The following CHCHD7 variants were observed in gnomAD, a reference collection of about 807,000 sequenced individuals.
CHCHD7 encodes coiled-coil-helix-coiled-coil-helix domain containing 7.
A neutral mutation model predicts 10.5 loss-of-function variants in CHCHD7; 7 were observed. The observed-to-expected ratio is 0.67, with a 90% confidence interval of 0.38 to 1.25. The LOEUF (loss-of-function observed/expected upper bound fraction) is 1.25. Ranked by LOEUF, CHCHD7 falls within the 50% of genes most tolerant of loss-of-function variation. The pLI is 0.02. For missense variants in CHCHD7, 100 were observed against 104.5 expected, an observed-to-expected ratio of 0.96 and a Z score of 0.19; for synonymous variants, 40 against 36.0, an observed-to-expected ratio of 1.11 and a Z score of -0.40.
Position 56,217,801 on chromosome 8 carries a change from A to C in CHCHD7, c.*366A>C, listed in dbSNP as rs1813446716. 4.1e-6 allele frequency: 1 copy of C among 244,128 alleles called. No individual in the cohort carries two copies. The highest frequency in any genetic ancestry group is 8.0e-6 in the Non-Finnish European group (1 of 125,116). 15.1% of individuals were successfully genotyped at this position (244,128 alleles called of 1,614,324 possible). ...AAGGAAAGGAAATGTTATGAGCAAG[A>C]GTGTGAGGCAAGAGAAGCTGGAACC... On this transcript the variant is annotated 3_prime_UTR_variant, in exon 4 of 4. Transcript: ENST00000355315.
At chr8:56,214,967 G>T in intron 2 of CHCHD7, 1 of 246,316 alleles carries the variant, frequency 4.1e-6, no homozygotes. Flanking sequence ...AAAACTGGAA[G>T]GTATGATATT....
intron 2 of CHCHD7, 25 bp from the exon 3 acceptor site, chr8:56,216,408 A>G (rs749638680): frequency 6.2e-7 from 1 of 1,613,746 alleles, no homozygotes; most frequent in East Asian, 2.2e-5. Context: ...TACCTTTTAA[A>G]TGATGCCTCT....
chr8:56,214,735 C>A, intron 2 of CHCHD7, 68 bp downstream of exon 2: 1 of 1,198,414 alleles, frequency 8.3e-7, no homozygotes, highest in Non-Finnish European at 1.2e-6. Context: ...GTTTTGTGGG[C>A]CTTTGTTTTC....
In CHCHD7 at chr8:56,216,780, T is replaced by C. The variant is rs1307049460; in HGVS notation, c.153+249T>C. The C allele has an allele frequency of 4.3e-6, 3 of 697,912 alleles. No homozygotes were observed. In the African/African-American group the frequency reaches 5.3e-5, roughly 12 times the overall value. The allele number at this position is 697,912 out of a possible 1,614,324, so 43.2% of individuals were successfully genotyped here. On this transcript the variant is annotated intron_variant, in intron 3 of 3. Coordinates refer to ENST00000355315, the MANE Select transcript of CHCHD7 (RefSeq NM_001011671.3). ...GTGGGTCTTCTTAGACATTTAAGTATCTGCAGCCCTAAAACAATGTCTTTG... is the reference window on the plus strand; with the variant it reads ...GTGGGTCTTCTTAGACATTTAAGTACCTGCAGCCCTAAAACAATGTCTTTG...
In CHCHD7 at chr8:56,216,538, C is replaced by G. The variant is rs773056509; in HGVS notation, c.153+7C>G. 1 of 1,614,070 alleles carries G rather than the reference C, an allele frequency of 6.2e-7. No individual in the cohort carries two copies. The highest frequency in any genetic ancestry group is 8.5e-7 in the Non-Finnish European group (1 of 1,179,972). On this transcript the variant is annotated splice_region_variant and intron_variant, in intron 3 of 3. Transcript: ENST00000355315. ...AAACTGCCGGAGATTCTGGGTAAGC[C>G]TAGATTGGTTAGCTTTGTGTTAAAA... is the stretch of plus-strand genomic sequence containing the variant.
intron 2 of CHCHD7, chr8:56,214,962 T>C (rs1194506525): frequency 3.8e-6 from 1 of 260,728 alleles, no homozygotes; most frequent in East Asian, 7.1e-5. Context: ...CATGGAAAAC[T>C]GGAAGGTATG....
chr8:56,212,596 C>A lies in CHCHD7; in HGVS notation c.-17+759C>A, dbSNP rs894959440. The A allele has an allele frequency of 2.3e-5, 9 of 397,714 alleles. 1 individual carries two copies. Among genetic ancestry groups the A allele is most frequent in the Non-Finnish European group, 4.1e-5 (9 of 221,912 alleles). 24.6% of individuals were successfully genotyped at this position (397,714 alleles called of 1,614,324 possible). ...TGGTTTTGTGGCCCCTCCTTCATAT[C>A]TTTGCTTGGTTTTTCTTTCTGGTTA... is the stretch of plus-strand genomic sequence containing the variant. On this transcript the variant is annotated intron_variant, in intron 1 of 3. Transcript: ENST00000355315.
In CHCHD7 at chr8:56,217,813, G is replaced by A. The variant is rs1001043727; in HGVS notation, c.*378G>A. The A allele has an allele frequency of 4.1e-6, 1 of 241,492 alleles. No homozygotes were observed. The highest frequency in any genetic ancestry group is 5.4e-5 in the Admixed American group (1 of 18,422). 15.0% of individuals were successfully genotyped at this position (241,492 alleles called of 1,614,324 possible). A position where few individuals can be genotyped will look rare whatever the true frequency, so the allele number is the denominator to read the frequency against. ...TGTTATGAGCAAGAGTGTGAGGCAA[G>A]AGAAGCTGGAACCACATTCAGAGAG... On this transcript the variant is annotated 3_prime_UTR_variant, in exon 4 of 4. Coordinates refer to ENST00000355315, the MANE Select transcript of CHCHD7 (RefSeq NM_001011671.3).
intron 3 of CHCHD7, 23 bp from the exon 4 acceptor site, chr8:56,217,304 CTTTT>C: frequency 4.9e-6 from 7 of 1,438,198 alleles, no homozygotes; most frequent in Non-Finnish European, 6.8e-6. Flanking sequence ...TTGGTTTCTT[CTTTT>C]TTATTTTAAT....
chr8:56,213,568 T>A (rs987812525), intron 1 of CHCHD7: 1 of 149,848 alleles, frequency 6.7e-6, no homozygotes, highest in Non-Finnish European at 1.5e-5. Flanking sequence ...ATTTTTGTAT[T>A]TTTAGTAGAC....
Position 56,211,825 on chromosome 8 carries a change from G to C in CHCHD7, c.-29G>C, listed in dbSNP as rs1298551296. ...TGGAGACGGCCTGGGTGCTGGCGAA[G>C]CGGAGGCCGGAGGTGAGTGGTTCCC... On this transcript the variant is annotated 5_prime_UTR_variant, in exon 1 of 4. Coordinates refer to ENST00000355315, the MANE Select transcript of CHCHD7 (RefSeq NM_001011671.3). 6.5e-6 allele frequency: 1 copy of C among 153,044 alleles called. No individual in the cohort carries two copies. Among genetic ancestry groups the C allele is most frequent in the Non-Finnish European group, 1.5e-5 (1 of 68,740 alleles). The allele number at this position is 153,044 out of a possible 1,614,324, so 9.5% of individuals were successfully genotyped here. A position where few individuals can be genotyped will look rare whatever the true frequency, so the allele number is the denominator to read the frequency against.
chr8:56,216,348 C>T, intron 2 of CHCHD7, 85 bp from the exon 3 acceptor site: 3 of 1,573,688 alleles, frequency 1.9e-6, no homozygotes, highest in Non-Finnish European at 2.6e-6. Flanking sequence ...TTATTTGCTT[C>T]TGGGGAAGCA....
chr8:56,213,890 C>A (rs894633009), intron 1 of CHCHD7: 3 of 152,174 alleles, frequency 2.0e-5, no homozygotes, highest in African/African-American at 4.8e-5. Flanking sequence ...TCTGGTACTT[C>A]AGTTGATGAA....
chr8:56,214,524 T>C, intron 1 of CHCHD7, 74 bp from the exon 2 acceptor site: 1 of 1,080,562 alleles, frequency 9.3e-7, no homozygotes. Flanking sequence ...TCAGGTACTT[T>C]TAGTGCTATT....
At chr8:56,217,297 G>T (rs1813406098) in intron 3 of CHCHD7, 34 bp from the exon 4 acceptor site, 1 of 1,342,000 alleles carries the variant, frequency 7.5e-7, no homozygotes, top group Admixed American at 1.9e-5. Context: ...ACTGATTTTG[G>T]TTTCTTCTTT....
At chr8:56,214,857 T>C in intron 2 of CHCHD7, 190 bp downstream of exon 2, 4 of 480,480 alleles carry the variant, frequency 8.3e-6, no homozygotes, top group Non-Finnish European at 1.5e-5. Context: ...CATTCATCTT[T>C]TCTTTAGTTT....
intron 1 of CHCHD7, chr8:56,213,110 C>G: frequency 2.4e-6 from 1 of 413,482 alleles, no homozygotes; most frequent in Non-Finnish European, 4.3e-6. Flanking sequence ...CTATCATCAT[C>G]TCTCTTAGGA....
Position 56,216,542 on chromosome 8 carries a change from A to G in CHCHD7, c.153+11A>G. 6.2e-7 allele frequency: 1 copy of G among 1,614,104 alleles called. No individual in the cohort carries two copies. Among genetic ancestry groups the G allele is most frequent in the Non-Finnish European group, 8.5e-7 (1 of 1,179,984 alleles). ...TGCCGGAGATTCTGGGTAAGCCTAGATTGGTTAGCTTTGTGTTAAAACCCA... is the reference window on the plus strand; with the variant it reads ...TGCCGGAGATTCTGGGTAAGCCTAGGTTGGTTAGCTTTGTGTTAAAACCCA... On this transcript the variant is annotated intron_variant, in intron 3 of 3. Coordinates refer to ENST00000355315, the MANE Select transcript of CHCHD7 (RefSeq NM_001011671.3).
At chr8:56,212,718 G>A in intron 1 of CHCHD7, 1 of 645,930 alleles carries the variant, frequency 1.5e-6, no homozygotes, top group Non-Finnish European at 2.8e-6. Context: ...TTGTAATTCA[G>A]CCCCGCTCCT....
Sources: allele counts gnomAD v4.1 joint callset, GRCh38; gene constraint gnomAD v4.1.1; transcripts MANE v1.5; gene names NCBI Gene and HGNC (gene_info 2026-07-23, HGNC 2026-07-21).